Variants in MSI2 observed in about 807,000 individuals in gnomAD.
The protein encoded by MSI2 is musashi RNA binding protein 2.
Under a neutral mutation model 45.6 loss-of-function variants are expected in MSI2, and 17 were observed. The observed-to-expected ratio is 0.37, with a 90% CI of 0.26 to 0.56. The LOEUF (loss-of-function observed/expected upper bound fraction) is 0.56. MSI2 is among the 20% of genes least tolerant of loss of function. The pLI is 0.77. For synonymous variants in MSI2, 156 were observed against 158.2 expected, an observed-to-expected ratio of 0.99 and a Z score of 0.11; for missense variants, 293 against 444.2, an observed-to-expected ratio of 0.66 and a Z score of 3.06.
intron 6 of MSI2, among the ~76,000 whole-genome samples, chr17:57,527,024 A>G (rs1300996303): frequency 1.3e-5 from 2 of 152,210 alleles, no homozygotes; most frequent in African/African-American, 4.8e-5. Flanking sequence ...AGGAGAGCCA[A>G]TTATGCACTG....
downstream of MSI2, among the ~76,000 whole-genome samples, chr17:57,689,058 A>C (rs1055405516): frequency 6.6e-6 from 1 of 152,178 alleles, no homozygotes; most frequent in Non-Finnish European, 1.5e-5. Context: ...TTTCAAAAGA[A>C]GTGTGGATTT....
At chr17:57,362,389 A>G (rs2143907781) in intron 5 of MSI2, among the ~76,000 whole-genome samples, 1 of 152,338 alleles carries the variant, frequency 6.6e-6, no homozygotes, top group Non-Finnish European at 1.5e-5. Flanking sequence ...CATTCCTGCA[A>G]TGGAAGCTCA....
rs1393953871 is a variant in MSI2 at position 57,280,299 on chromosome 17, T to C, written c.312+18107T>C. Among the ~76,000 whole-genome samples the C allele has an allele frequency of 6.6e-6, 1 of 152,142 alleles. No individual in the cohort carries two copies. Among genetic ancestry groups the C allele is most frequent in the African/African-American group, 2.4e-5 (1 of 41,424 alleles). ...TGATCAGGTTTGCGTTTTGAAAATA[T>C]CTCTCTGACAGTCTACACGAAAAGT... is the stretch of plus-strand genomic sequence containing the variant. On this transcript the variant is annotated intron_variant, in intron 5 of 13. Transcript: ENST00000284073. The surrounding 1 kb of genome is among the most constrained non-coding windows in gnomAD (Gnocchi z 4.2).
intron 10 of MSI2, among the ~76,000 whole-genome samples, chr17:57,649,930 C>T (rs1911006778): frequency 6.6e-6 from 1 of 152,172 alleles, no homozygotes. Flanking sequence ...AGCTGCTGCC[C>T]GTGCTGTGTG....
At chr17:57,292,180 T>G (rs1281107832) in intron 5 of MSI2, among the ~76,000 whole-genome samples, 2 of 149,824 alleles carry the variant, frequency 1.3e-5, no homozygotes, top group African/African-American at 4.9e-5. Flanking sequence ...GGCTAGAGAA[T>G]GGGAGGGGAG....
At position 57,262,470 on chromosome 17, in the gene MSI2, C is replaced by T. The variant is rs144389437; in HGVS notation, c.312+278C>T. 1.9e-5 allele frequency: 7 copies of T among 377,184 alleles called. No homozygotes were observed. In the Admixed American group the frequency reaches 3.1e-4, roughly 16 times the overall value. 23.4% of individuals were successfully genotyped at this position (377,184 alleles called of 1,614,324 possible). On this transcript the variant is annotated intron_variant, in intron 5 of 13. Transcript: ENST00000284073. ...GACTGCAGTATTTTTTGCAAGGATT[C>T]TATTTGTTTTTTAAGCATTTCCAAT...
intron 4 of MSI2, among the ~76,000 whole-genome samples, chr17:57,261,130 C>T (rs181076512): frequency 6.6e-6 from 1 of 152,210 alleles, no homozygotes; most frequent in African/African-American, 2.4e-5. Context: ...CTTTCCTCCT[C>T]TTTTTATCTG....
At chr17:57,384,967 T>TGGGC (rs2083659961) in intron 5 of MSI2, among the ~76,000 whole-genome samples, 1 of 151,518 alleles carries the variant, frequency 6.6e-6, no homozygotes. Flanking sequence ...CTCAAGACCC[T>TGGGC]TCCCTCTCCC....
chr17:57,283,405 C>T (rs62058030), intron 5 of MSI2, among the ~76,000 whole-genome samples: 14,712 of 152,146 alleles, frequency 0.097, 912 homozygotes, highest in Non-Finnish European at 0.14. Flanking sequence ...CCCCATTCCC[C>T]GCCTCCAACT....
chr17:57,295,363 G>A (rs1173141872), intron 5 of MSI2, among the ~76,000 whole-genome samples: 1 of 152,116 alleles, frequency 6.6e-6, no homozygotes, highest in Non-Finnish European at 1.5e-5. Flanking sequence ...GCTAAAAAGA[G>A]AGCATACTTC....
At chr17:57,666,201 G>A (rs142499189) in intron 11 of MSI2, among the ~76,000 whole-genome samples, 3 of 152,330 alleles carry the variant, frequency 2.0e-5, no homozygotes, top group African/African-American at 7.2e-5. Context: ...CAACTGAGCA[G>A]CATGATTTAA....
At chr17:57,268,638 T>A (rs1265110124) in intron 5 of MSI2, 1 of 151,358 alleles carries the variant, frequency 6.6e-6, no homozygotes, top group South Asian at 2.1e-4. Context: ...GAGTTCAAGA[T>A]CAGCCTGGCC....
intron 5 of MSI2, among the ~76,000 whole-genome samples, chr17:57,275,149 A>G (rs777988143): frequency 6.6e-6 from 1 of 152,222 alleles, no homozygotes; most frequent in Non-Finnish European, 1.5e-5. Flanking sequence ...TCCTTAATCC[A>G]CATGCCAAAG....
chr17:57,310,936 C>T (rs981115093), intron 5 of MSI2, among the ~76,000 whole-genome samples: 2 of 152,226 alleles, frequency 1.3e-5, no homozygotes, highest in African/African-American at 4.8e-5. Flanking sequence ...TGTTCTTTCT[C>T]GGCCTCAGTT....
chr17:57,701,335 G>A, the MSI2 span, among the ~76,000 whole-genome samples: 4 of 152,288 alleles, frequency 2.6e-5, no homozygotes, highest in African/African-American at 9.6e-5. Flanking sequence ...GATGGTATAC[G>A]AAGGTGGGGC....
intron 6 of MSI2, among the ~76,000 whole-genome samples, chr17:57,498,966 G>GTGATGTCCCCCT (rs1253516527): frequency 2.3e-5 from 3 of 132,814 alleles, no homozygotes; most frequent in Non-Finnish European, 4.6e-5. Flanking sequence ...CCCTTCCTGT[G>GTGATGTCCCCCT]TCCAAGTGTT....
downstream of MSI2, among the ~76,000 whole-genome samples, chr17:57,687,258 ACTTT>A (rs1913905708): frequency 6.6e-6 from 1 of 151,694 alleles, no homozygotes; most frequent in African/African-American, 2.4e-5. Flanking sequence ...GGAATATATT[ACTTT>A]TTCTCCTTAA....
rs571757596 is a variant in MSI2 at position 57,329,967 on chromosome 17, A to G, written c.312+67775A>G. On this transcript the variant is annotated intron_variant, in intron 5 of 13. Transcript: ENST00000284073. ...TTTTTTTTTTTGGTCAGATAGCCTT[A>G]TTTAACCTTTCTGTGTCTCAGAGGT... 3.4e-5 allele frequency among the ~76,000 whole-genome samples: 5 copies of G among 147,370 alleles called. No individual in the cohort carries two copies. In the South Asian group the frequency reaches 1.1e-3, roughly 32 times the overall value.
downstream of MSI2, among the ~76,000 whole-genome samples, chr17:57,687,209 T>C (rs542185839): frequency 7.2e-6 from 1 of 139,142 alleles, no homozygotes; most frequent in Admixed American, 7.3e-5. Context: ...ATGTAAGCTT[T>C]AAATGCCTTC....
Sources: allele counts gnomAD v4.1 joint callset (sites outside exome capture counted in the v4.1 genomes callset), GRCh38; gene constraint gnomAD v4.1.1; non-coding constraint Gnocchi (gnomAD v3.1); transcripts MANE v1.5; gene names NCBI Gene and HGNC (gene_info 2026-07-23, HGNC 2026-07-21).